PCDHA3: variants seen among roughly 807,000 people sequenced by gnomAD.
PCDHA3 encodes protocadherin alpha-3.
A neutral mutation model predicts 62.2 loss-of-function variants in PCDHA3; 41 were observed. The ratio of observed to expected loss-of-function variants is 0.66; its 90% CI spans 0.51 to 0.86. The LOEUF (loss-of-function observed/expected upper bound fraction) is 0.86. Ranked by LOEUF, PCDHA3 falls within the 40% of genes least tolerant of loss-of-function variation. The pLI, the probability that PCDHA3 is intolerant of heterozygous loss-of-function variation, is 0.00. For synonymous variants in PCDHA3, 640 were observed against 555.4 expected, an observed-to-expected ratio of 1.15 and a Z score of -2.14; for missense variants, 1,304 against 1,241.2, an observed-to-expected ratio of 1.05 and a Z score of -0.76.
Position 140,803,171 on chromosome 5 carries a change from A to G in PCDHA3, c.1974A>G (p.Ser658=). The change falls in exon 1 of 4, where the codon TCA becomes TCG. Residue 658 remains serine, a synonymous_variant. Transcript: ENST00000522353. The part of the protein sequence containing the change: ...LVLVKDHGEP[S]LTATATVLVS... The stretch of plus-strand genomic sequence containing the variant: ...TGGTGAAGGACCACGGTGAACCCTC[A>G]TTGACCGCCACGGCCACTGTGCTGG... The G allele has an allele frequency of 1.2e-6, 2 of 1,613,864 alleles. No homozygotes were observed. Among genetic ancestry groups the G allele is most frequent in the Non-Finnish European group, 1.7e-6 (2 of 1,179,930 alleles).
intron 1 of PCDHA3, among the ~76,000 whole-genome samples, chr5:140,879,111 T>A (rs1056977716): frequency 2.0e-4 from 30 of 152,184 alleles, no homozygotes; most frequent in African/African-American, 7.2e-4. Flanking sequence ...ATGGTGTAAT[T>A]GAAGGATTAG....
intron 3 of PCDHA3, among the ~76,000 whole-genome samples, chr5:141,009,288 C>G (rs373954362): frequency 6.6e-6 from 1 of 152,068 alleles, no homozygotes; most frequent in African/African-American, 2.4e-5. Flanking sequence ...GATCCCATTT[C>G]TATAAAATTT....
intron 1 of PCDHA3, among the ~76,000 whole-genome samples, chr5:140,872,376 C>T (rs1270470575): frequency 1.3e-5 from 2 of 152,128 alleles, no homozygotes; most frequent in Non-Finnish European, 2.9e-5. Flanking sequence ...CCTGTAATCC[C>T]AGCTATTTGG....
chr5:140,938,237 T>A (rs1287300526), intron 1 of PCDHA3, among the ~76,000 whole-genome samples: 1 of 152,208 alleles, frequency 6.6e-6, no homozygotes, highest in African/African-American at 2.4e-5. Context: ...TAGGCCACCA[T>A]GCCTGGTCTT....
chr5:140,855,032 A>AT (rs2043313669), intron 1 of PCDHA3, among the ~76,000 whole-genome samples: 1 of 149,732 alleles, frequency 6.7e-6, no homozygotes, highest in Non-Finnish European at 1.5e-5. Flanking sequence ...TGTATAAAGG[A>AT]TTTTTCTGTA....
chr5:140,823,881 C>T (rs2150130058), intron 1 of PCDHA3: 1 of 1,613,970 alleles, frequency 6.2e-7, no homozygotes, highest in South Asian at 1.1e-5. Flanking sequence ...TGATCATCGC[C>T]ATCTGTGCGG....
chr5:140,810,382 G>A (rs1475774431), intron 1 of PCDHA3: 1 of 152,156 alleles, frequency 6.6e-6, no homozygotes, highest in Non-Finnish European at 1.5e-5. Context: ...GAATATGTGT[G>A]TATCTTTGTC....
intron 1 of PCDHA3, among the ~76,000 whole-genome samples, chr5:140,906,616 T>G (rs1339811951): frequency 6.6e-6 from 1 of 152,228 alleles, no homozygotes. Flanking sequence ...GTATTCCCTT[T>G]GCCTTCAGCA....
At position 140,991,361 on chromosome 5, in the gene PCDHA3, G is replaced by A. The variant is rs1183124741; in HGVS notation, c.2542+8798G>A. On this transcript the variant is annotated intron_variant, in intron 3 of 3. Transcript: ENST00000522353. ...GGTAACTTGGAAAAGACTATTTACT[G>A]TCTGAGTTCTAGGCCAACTGTAGGG... Among the ~76,000 whole-genome samples, 3 of 152,200 alleles carry A rather than the reference G, an allele frequency of 2.0e-5. No individual in the cohort carries two copies. In the East Asian group the frequency reaches 5.8e-4, roughly 29 times the overall value.
At chr5:140,870,425 C>A (rs531014522) in intron 1 of PCDHA3, 5 of 1,614,190 alleles carry the variant, frequency 3.1e-6, no homozygotes, top group Admixed American at 3.3e-5. Flanking sequence ...GCCAGGGTAT[C>A]CGTGGAGGTG....
chr5:140,826,565 G>T (rs1768967744), intron 1 of PCDHA3, among the ~76,000 whole-genome samples: 1 of 152,090 alleles, frequency 6.6e-6, no homozygotes, highest in South Asian at 2.1e-4. Flanking sequence ...TTGAAGGAGG[G>T]GTTTAATCAC....
In PCDHA3 at chr5:140,857,194, A is replaced by G. The variant is rs187713139; in HGVS notation, c.2394+53603A>G. On this transcript the variant is annotated intron_variant, in intron 1 of 3. Transcript: ENST00000522353. ...CTGACCATGATTCAGGAGCCAACGG[A>G]CAGGTCACCTGCTCTCTGACGCCTC... 4 of 1,598,542 alleles carry G rather than the reference A, an allele frequency of 2.5e-6. 1 individual carries two copies. The highest frequency in any genetic ancestry group is 1.3e-5 in the African/African-American group (1 of 74,440).
chr5:140,837,353 A>G (rs1415988517), intron 1 of PCDHA3, among the ~76,000 whole-genome samples: 12 of 152,028 alleles, frequency 7.9e-5, no homozygotes, highest in Non-Finnish European at 5.9e-5. Flanking sequence ...AATAGTTTAA[A>G]TGGCAGTTTA....
chr5:140,872,756 A>G (rs987230878), intron 1 of PCDHA3, among the ~76,000 whole-genome samples: 1 of 152,342 alleles, frequency 6.6e-6, no homozygotes, highest in East Asian at 1.9e-4. Context: ...AAAGACATGC[A>G]TATAGGGCTA....
intron 3 of PCDHA3, among the ~76,000 whole-genome samples, chr5:140,998,010 C>A (rs2097793505): frequency 6.6e-6 from 1 of 152,096 alleles, no homozygotes; most frequent in Admixed American, 6.6e-5. Flanking sequence ...GCCTTCCATC[C>A]CCACCTCGAG....
chr5:140,857,255 T>C (rs1307623486), intron 1 of PCDHA3: 1 of 1,598,356 alleles, frequency 6.3e-7, no homozygotes, highest in Non-Finnish European at 8.6e-7. Context: ...CTACAAGAAT[T>C]ACTACTCATT....
At chr5:140,807,797 G>A in intron 1 of PCDHA3, 6 of 1,614,150 alleles carry the variant, frequency 3.7e-6, no homozygotes, top group Non-Finnish European at 5.1e-6. Context: ...AGACAGAGAA[G>A]AAGCTCCGGA....
chr5:140,983,039 A>C (rs1554245052), intron 3 of PCDHA3, among the ~76,000 whole-genome samples: 1 of 152,036 alleles, frequency 6.6e-6, no homozygotes, highest in Non-Finnish European at 1.5e-5. Flanking sequence ...TTTCTCATGG[A>C]AGTGGAAAAT....
intron 1 of PCDHA3, chr5:140,835,703 C>A (rs2150242433): frequency 6.2e-6 from 10 of 1,613,784 alleles, no homozygotes; most frequent in Middle Eastern, 1.6e-4. Context: ...CCACTGCTAG[C>A]GTGTCCGTGG....
Sources: gnomAD v4.1 joint callset for allele counts (sites outside exome capture counted in the v4.1 genomes callset) on GRCh38, gnomAD v4.1.1 for gene constraint, MANE v1.5 for transcripts, NCBI Gene and HGNC (gene_info 2026-07-23, HGNC 2026-07-21) for gene names.